Variants in SNCAIP observed in about 807,000 individuals in gnomAD.
SNCAIP encodes the protein synuclein alpha interacting protein, also known as synphilin-1.
In SNCAIP, 43 loss-of-function variants were observed where a neutral mutation model predicts 86.7. The ratio of observed to expected loss-of-function variants is 0.50; its 90% CI spans 0.39 to 0.64. SNCAIP has a LOEUF of 0.64. Ranked by LOEUF, SNCAIP falls within the 30% of genes least tolerant of loss-of-function variation. The probability of loss-of-function intolerance (pLI) is 0.00; values close to 1 mark genes in which losing one functional copy is unlikely to be tolerated. For synonymous variants in SNCAIP, 417 were observed against 427.2 expected (o/e 0.98, Z 0.29); for missense variants, 981 against 1,103.1 (o/e 0.89, Z 1.57).
chr5:122,318,966 CTTTTTT>C (rs58667095), intron 1 of SNCAIP, among the ~76,000 whole-genome samples: 2,852 of 130,650 alleles, frequency 0.022, 68 homozygotes, highest in African/African-American at 0.065. Context: ...CTGTTATCAT[CTTTTTT>C]TTTTTTTTTT....
In SNCAIP at chr5:122,354,056, A is replaced by G. The variant is rs540662877; in HGVS notation, c.-46-37033A>G. On this transcript the variant is annotated intron_variant, in intron 1 of 10. Transcript: ENST00000261368. ...AGCATGTGCCACATCTCAGACATGG[A>G]GCAGATGCCAGAATATAGTTGGAAA... is the stretch of plus-strand genomic sequence containing the variant. 1.9e-3 allele frequency among the ~76,000 whole-genome samples: 290 copies of G among 152,310 alleles called. 3 individuals are homozygous for G. The highest frequency in any genetic ancestry group is 6.6e-3 in the African/African-American group (275 of 41,574).
chr5:122,416,238 C>A (rs1775286245), intron 3 of SNCAIP, among the ~76,000 whole-genome samples: 1 of 152,144 alleles, frequency 6.6e-6, no homozygotes, highest in African/African-American at 2.4e-5. Context: ...AAACATGAAT[C>A]GGACACATTC....
chr5:122,453,758 C>CTT (rs72006645), intron 10 of SNCAIP, among the ~76,000 whole-genome samples: 33 of 136,624 alleles, frequency 2.4e-4, no homozygotes, highest in African/African-American at 6.8e-4. Flanking sequence ...AAGACTATCA[C>CTT]TTTTTTTTTT....
At chr5:122,397,282 CT>C (rs952064566) in intron 2 of SNCAIP, among the ~76,000 whole-genome samples, 28 of 152,198 alleles carry the variant, frequency 1.8e-4, no homozygotes, top group African/African-American at 5.5e-4. Context: ...TCAGGTAGGT[CT>C]CTTCTCCATC....
intron 1 of SNCAIP, among the ~76,000 whole-genome samples, chr5:122,322,534 T>C (rs573587376): frequency 1.4e-4 from 22 of 152,352 alleles, no homozygotes; most frequent in East Asian, 3.9e-4. Flanking sequence ...AGTTTTACCA[T>C]TGATTACCAG....
At chr5:122,331,319 G>C (rs1040416177) in intron 1 of SNCAIP, among the ~76,000 whole-genome samples, 2 of 152,134 alleles carry the variant, frequency 1.3e-5, no homozygotes, top group Non-Finnish European at 2.9e-5. Context: ...TCATTAAGCA[G>C]TCCCTTTTAC....
intron 1 of SNCAIP, among the ~76,000 whole-genome samples, chr5:122,354,223 C>G (rs1228984298): frequency 6.6e-6 from 1 of 152,156 alleles, no homozygotes; most frequent in Non-Finnish European, 1.5e-5. Context: ...TTTCAGAATA[C>G]CAGATACTTC....
At chr5:122,354,145 T>G (rs1163895146) in intron 1 of SNCAIP, among the ~76,000 whole-genome samples, 4 of 152,158 alleles carry the variant, frequency 2.6e-5, no homozygotes, top group Non-Finnish European at 5.9e-5. Flanking sequence ...GCTGACACAT[T>G]TACGTGACCT....
chr5:122,435,931 A>G (rs1416818146), intron 6 of SNCAIP, among the ~76,000 whole-genome samples: 2 of 152,182 alleles, frequency 1.3e-5, no homozygotes, highest in Non-Finnish European at 2.9e-5. Context: ...CTGCTCTCCA[A>G]GTTCTGATCT....
At chr5:122,458,374 C>G (rs1453136792) in intron 10 of SNCAIP, among the ~76,000 whole-genome samples, 2 of 152,078 alleles carry the variant, frequency 1.3e-5, no homozygotes, top group African/African-American at 2.4e-5. Flanking sequence ...TCCTTATTCC[C>G]CAGAGATCCA....
At chr5:122,420,587 T>TATATA (rs35340371) in intron 3 of SNCAIP, among the ~76,000 whole-genome samples, 174 of 134,898 alleles carry the variant, frequency 1.3e-3, no homozygotes, top group African/African-American at 4.4e-3. Flanking sequence ...ATATATATAT[T>TATATA]TTTTTTTCCA....
chr5:122,337,321 G>C (rs2152711145), intron 1 of SNCAIP, among the ~76,000 whole-genome samples: 1 of 152,244 alleles, frequency 6.6e-6, no homozygotes, highest in Non-Finnish European at 1.5e-5. Context: ...ACACTTCTAA[G>C]AATGTGACTT....
At chr5:122,355,397 C>T (rs1303821115) in intron 1 of SNCAIP, among the ~76,000 whole-genome samples, 1 of 151,950 alleles carries the variant, frequency 6.6e-6, no homozygotes, top group African/African-American at 2.4e-5. Context: ...TGAAGCAATC[C>T]TATGCCAATG....
At chr5:122,351,172 T>C (rs1387652854) in intron 1 of SNCAIP, among the ~76,000 whole-genome samples, 1 of 152,168 alleles carries the variant, frequency 6.6e-6, no homozygotes, top group African/African-American at 2.4e-5. Flanking sequence ...CTTTGTGATA[T>C]CTTCTCGTTT....
intron 1 of SNCAIP, among the ~76,000 whole-genome samples, chr5:122,378,836 G>C (rs1278458235): frequency 6.9e-6 from 1 of 145,822 alleles, no homozygotes; most frequent in Non-Finnish European, 1.5e-5. Flanking sequence ...GTTTGTCAAA[G>C]ATCAGATAGT....
chr5:122,378,760 G>A (rs1371076478), intron 1 of SNCAIP, among the ~76,000 whole-genome samples: 10 of 139,262 alleles, frequency 7.2e-5, no homozygotes, highest in Middle Eastern at 3.5e-3. Context: ...TCTACATATG[G>A]CTAGCCAGTT....
intron 3 of SNCAIP, among the ~76,000 whole-genome samples, chr5:122,414,089 T>C (rs1281889459): frequency 6.6e-6 from 1 of 152,062 alleles, no homozygotes; most frequent in South Asian, 2.1e-4. Flanking sequence ...TTTTAATTCT[T>C]TGTAGAGATG....
intron 3 of SNCAIP, among the ~76,000 whole-genome samples, chr5:122,420,647 T>G (rs1776200728): frequency 6.6e-6 from 1 of 152,194 alleles, no homozygotes; most frequent in African/African-American, 2.4e-5. Context: ...AAAGGCATAT[T>G]TGCATCTTAT....
intron 8 of SNCAIP, among the ~76,000 whole-genome samples, chr5:122,447,802 G>C (rs1782647882): frequency 6.6e-6 from 1 of 152,174 alleles, no homozygotes; most frequent in Non-Finnish European, 1.5e-5. Flanking sequence ...TATTGTGTAG[G>C]ACTGATTTCA....
Sources: gnomAD v4.1 joint callset for allele counts (sites outside exome capture counted in the v4.1 genomes callset) on GRCh38, gnomAD v4.1.1 for gene constraint, MANE v1.5 for transcripts, NCBI Gene and HGNC (gene_info 2026-07-23, HGNC 2026-07-21) for gene names.